TEF: variants seen among roughly 807,000 people sequenced by gnomAD.
The protein encoded by TEF is thyrotroph embryonic factor.
Under a neutral mutation model 20.8 loss-of-function variants are expected in TEF, and 3 were observed. That is an observed-to-expected ratio of 0.14 (90% CI 0.07 to 0.37). The LOEUF is 0.37. Among genes scored for constraint, TEF ranks in the 10% least tolerant of loss-of-function variants. The pLI is 1.00. For synonymous variants in TEF, 180 were observed against 171.1 expected (o/e 1.05, Z -0.41); for missense variants, 296 against 397.9 (o/e 0.74, Z 2.18).
upstream of TEF, among the ~76,000 whole-genome samples, chr22:41,380,293 C>T (rs1569253671): frequency 6.6e-6 from 1 of 152,196 alleles, no homozygotes; most frequent in Non-Finnish European, 1.5e-5. Flanking sequence ...CCTGGGATTA[C>T]AGGCGCCAGC....
chr22:41,392,884 A>G (rs2145990386), intron 2 of TEF, among the ~76,000 whole-genome samples: 1 of 152,030 alleles, frequency 6.6e-6, no homozygotes, highest in South Asian at 2.1e-4. Flanking sequence ...TAAAAATACA[A>G]AAACTAGCCA....
chr22:41,396,053 C>T lies in TEF; in HGVS notation c.*93C>T, dbSNP rs1373247636. On this transcript the variant is annotated 3_prime_UTR_variant, in exon 4 of 4. Coordinates refer to ENST00000266304, the MANE Select transcript of TEF (RefSeq NM_003216.4). The stretch of plus-strand genomic sequence containing the variant: ...CCCTCACACGCGTGGAGACTTATGA[C>T]TCGTCGTGGGCGCATGGCGGCGCAC... The T allele has an allele frequency of 7.2e-6, 10 of 1,388,098 alleles. No individual in the cohort carries two copies. Among genetic ancestry groups the T allele is most frequent in the Non-Finnish European group, 9.8e-6 (10 of 1,015,592 alleles). The allele number at this position is 1,388,098 out of a possible 1,614,324, so 86.0% of individuals were successfully genotyped here.
At chr22:41,387,288 C>T in intron 1 of TEF, 63 bp from the exon 2 acceptor site, 1 of 1,567,488 alleles carries the variant, frequency 6.4e-7, no homozygotes. Context: ...AGGCTCACTG[C>T]CCACTTCCTG....
Position 41,396,909 on chromosome 22 carries a change from G to A in TEF, c.*949G>A, listed in dbSNP as rs2037235954. ...CCCCAGGATTCACCTTCCTAGTGGT[G>A]TTTAGAAAATGCCTCCACAGCCCCC... On this transcript the variant is annotated 3_prime_UTR_variant, in exon 4 of 4. Coordinates refer to ENST00000266304, the MANE Select transcript of TEF (RefSeq NM_003216.4). 2.5e-6 allele frequency: 1 copy of A among 398,610 alleles called. No individual in the cohort carries two copies. The highest frequency in any genetic ancestry group is 4.4e-6 in the Non-Finnish European group (1 of 226,086). 24.7% of individuals were successfully genotyped at this position (398,610 alleles called of 1,614,324 possible).
At chr22:41,369,476 C>T (rs898516151) in intron 1 of TEF, among the ~76,000 whole-genome samples, 3 of 152,088 alleles carry the variant, frequency 2.0e-5, no homozygotes, top group Non-Finnish European at 2.9e-5. Context: ...CCCACAGGAC[C>T]GACAGATGCC....
In TEF at chr22:41,395,842, C is replaced by T; in HGVS notation, c.794C>T (p.Ala265Val). The change falls in exon 4 of 4, where the codon GCA (alanine) becomes GTA (valine). Residue 265 changes from alanine to valine, a missense_variant. This residue lies in a region of TEF where 194 missense variants were observed against 317.8 expected (regional missense o/e 0.61). Transcript: ENST00000266304. ...AAAGAGAATCAGATCACCATCCGGG[C>T]AGCCTTCCTGGAGAAGGAGAACACA... ...RLKENQITIRAAFLEKENTAL... is the reference protein window; with the variant it reads ...RLKENQITIRVAFLEKENTAL... 1 of 1,614,234 alleles carries T rather than the reference C, an allele frequency of 6.2e-7. No individual in the cohort carries two copies. The highest frequency in any genetic ancestry group is 8.5e-7 in the Non-Finnish European group (1 of 1,180,042).
At chr22:41,385,734 G>A (rs577317375) in intron 1 of TEF, among the ~76,000 whole-genome samples, 5 of 152,184 alleles carry the variant, frequency 3.3e-5, no homozygotes, top group Admixed American at 3.3e-4. Context: ...CCCAGACTTG[G>A]GGTACAGTGG....
upstream of TEF, among the ~76,000 whole-genome samples, chr22:41,379,418 A>T (rs1344623859): frequency 6.6e-6 from 1 of 152,122 alleles, no homozygotes; most frequent in African/African-American, 2.4e-5. Context: ...GAGGCAGGAG[A>T]ATCGCTTGAA....
chr22:41,380,559 C>G (rs994485983), upstream of TEF, among the ~76,000 whole-genome samples: 1 of 152,192 alleles, frequency 6.6e-6, no homozygotes, highest in Non-Finnish European at 1.5e-5. Context: ...TACCACCCCC[C>G]CAACCCCTCC....
At chr22:41,393,372 C>G (rs2037189628) in intron 2 of TEF, among the ~76,000 whole-genome samples, 1 of 151,314 alleles carries the variant, frequency 6.6e-6, no homozygotes, top group Non-Finnish European at 1.5e-5. Context: ...GAACCCATTT[C>G]CATTCTTCAG....
intron 2 of TEF, 54 bp from the exon 3 acceptor site, chr22:41,394,042 G>C: frequency 6.5e-7 from 1 of 1,541,660 alleles, no homozygotes. Flanking sequence ...GTGTGGCGTG[G>C]GTCTTCTCTG....
intron 1 of TEF, chr22:41,369,063 T>C (rs1428115044): frequency 2.0e-6 from 2 of 984,920 alleles, no homozygotes; most frequent in East Asian, 2.3e-4. Context: ...CCCTCCTGGC[T>C]CCCCCAAGGT....
rs1037547523 is a variant in TEF, at chr22:41,397,352, A to C, written c.*1392A>C. 3.3e-5 allele frequency: 12 copies of C among 367,490 alleles called. No homozygotes were observed. Among genetic ancestry groups the C allele is most frequent in the African/African-American group, 1.9e-4 (9 of 47,998 alleles). 22.8% of individuals were successfully genotyped at this position (367,490 alleles called of 1,614,324 possible). ...CTCAGAAGATTCACTGAGGAAACTC[A>C]TGGAAGCCTCTGCTCATTTGGGTCA... On this transcript the variant is annotated 3_prime_UTR_variant, in exon 4 of 4. Transcript: ENST00000266304.
At chr22:41,383,179 C>G (rs1369239752) in intron 1 of TEF, among the ~76,000 whole-genome samples, 1 of 152,074 alleles carries the variant, frequency 6.6e-6, no homozygotes, top group African/African-American at 2.4e-5. Flanking sequence ...AATGGATTTT[C>G]CTTTTTAAAA....
chr22:41,383,684 C>T (rs900821559), intron 1 of TEF, among the ~76,000 whole-genome samples: 2 of 152,176 alleles, frequency 1.3e-5, no homozygotes, highest in Non-Finnish European at 2.9e-5. Context: ...TGGACTAGTC[C>T]TTTATCTCTT....
At chr22:41,367,729 T>A in intron 1 of TEF, 2 of 875,950 alleles carry the variant, frequency 2.3e-6, no homozygotes, top group Non-Finnish European at 3.5e-6. Flanking sequence ...GCGCCCTTGG[T>A]CTCAGGGTGC....
chr22:41,378,494 C>T (rs1303165098), upstream of TEF, among the ~76,000 whole-genome samples: 2 of 152,018 alleles, frequency 1.3e-5, no homozygotes, highest in African/African-American at 2.4e-5. Flanking sequence ...TACAGGTGCC[C>T]GCCACCACAC....
At chr22:41,372,999 G>T (rs540437341) in intron 1 of TEF, among the ~76,000 whole-genome samples, 1 of 152,270 alleles carries the variant, frequency 6.6e-6, no homozygotes, top group South Asian at 2.1e-4. Context: ...AGGCTGGAGA[G>T]ACCCGAAGGG....
intron 1 of TEF, among the ~76,000 whole-genome samples, chr22:41,375,048 G>A (rs1489634831): frequency 6.6e-6 from 1 of 152,202 alleles, no homozygotes; most frequent in Non-Finnish European, 1.5e-5. Context: ...GTCCCCTCCA[G>A]CACGTCTTTG....
Sources: gnomAD v4.1 joint callset for allele counts (sites outside exome capture counted in the v4.1 genomes callset) on GRCh38, gnomAD v4.1.1 for gene constraint, gnomAD v4.1.1 regional missense constraint, MANE v1.5 for transcripts, NCBI Gene and HGNC (gene_info 2026-07-23, HGNC 2026-07-21) for gene names.